Variants in RAPGEF4 observed in about 807,000 individuals in gnomAD.
RAPGEF4 encodes the protein RAP guanine-nucleotide-exchange factor (GEF) 4.
Under a neutral mutation model 147.9 loss-of-function variants are expected in RAPGEF4, and 66 were observed. The ratio of observed to expected loss-of-function variants is 0.45; its 90% confidence interval spans 0.37 to 0.55. RAPGEF4 has a LOEUF of 0.55. Ranked by LOEUF, RAPGEF4 falls within the 20% of genes least tolerant of loss-of-function variation. The pLI, the probability that RAPGEF4 is intolerant of heterozygous loss-of-function variation, is 0.00. For synonymous variants in RAPGEF4, 419 were observed against 442.7 expected, an observed-to-expected ratio of 0.95 and a Z score of 0.67; for missense variants, 1,071 against 1,257.3, an observed-to-expected ratio of 0.85 and a Z score of 2.24.
chr2:172,887,874 T>G (rs1251617114), intron 4 of RAPGEF4, among the ~76,000 whole-genome samples: 1 of 152,196 alleles, frequency 6.6e-6, no homozygotes, highest in Non-Finnish European at 1.5e-5. Context: ...TTCATCTTCT[T>G]TGTGAGACTT....
chr2:173,038,903 A>T (rs1684390201), intron 29 of RAPGEF4, among the ~76,000 whole-genome samples: 1 of 152,326 alleles, frequency 6.6e-6, no homozygotes, highest in South Asian at 2.1e-4. Context: ...CCCATCCGTA[A>T]CCTGCAAGGA....
intron 4 of RAPGEF4, among the ~76,000 whole-genome samples, chr2:172,843,174 G>C (rs915616910): frequency 6.6e-6 from 1 of 152,130 alleles, no homozygotes; most frequent in African/African-American, 2.4e-5. Flanking sequence ...CTTGCATGGA[G>C]TACAAATAGA....
At chr2:172,739,593 A>G (rs1353634382) in intron 1 of RAPGEF4, among the ~76,000 whole-genome samples, 1 of 151,966 alleles carries the variant, frequency 6.6e-6, no homozygotes. Flanking sequence ...CTGGTCTTGG[A>G]CTCCTGACCT....
chr2:172,912,967 C>T (rs1481563235), intron 4 of RAPGEF4, among the ~76,000 whole-genome samples: 1 of 146,432 alleles, frequency 6.8e-6, no homozygotes, highest in Admixed American at 7.0e-5. Flanking sequence ...ACAATCTCGG[C>T]TCACTGCAAC....
intron 1 of RAPGEF4, among the ~76,000 whole-genome samples, chr2:172,753,687 A>T (rs1413711557): frequency 6.6e-6 from 1 of 152,162 alleles, no homozygotes; most frequent in Non-Finnish European, 1.5e-5. Context: ...AAGTGAAATT[A>T]TAGGGGAAAA....
chr2:173,037,796 G>T (rs888719739), intron 29 of RAPGEF4, among the ~76,000 whole-genome samples: 1 of 152,172 alleles, frequency 6.6e-6, no homozygotes, highest in African/African-American at 2.4e-5. Context: ...ACTTCTCTGT[G>T]AGTCGGTTTC....
At position 172,899,894 on chromosome 2, in the gene RAPGEF4, A is replaced by G. The variant is rs1337246725; in HGVS notation, c.445-17908A>G. On this transcript the variant is annotated intron_variant, in intron 4 of 30. Coordinates refer to ENST00000397081, the MANE Select transcript of RAPGEF4 (RefSeq NM_007023.4). The stretch of plus-strand genomic sequence containing the variant: ...GCTCCATCCCAGCAAGGGAACAGAC[A>G]TGCTTATCAAGGAAAAAGGCCAAGC... Among the ~76,000 whole-genome samples, 8 of 152,204 alleles carry G rather than the reference A, an allele frequency of 5.3e-5. No individual in the cohort carries two copies. In the South Asian group the frequency reaches 1.4e-3, roughly 28 times the overall value.
At chr2:172,790,832 C>G (rs1685741478) in intron 1 of RAPGEF4, among the ~76,000 whole-genome samples, 1 of 152,176 alleles carries the variant, frequency 6.6e-6, no homozygotes, top group Non-Finnish European at 1.5e-5. Context: ...GAGAGACATT[C>G]ACAGGTAAAA....
At chr2:173,018,369 C>G (rs1695697998) in intron 21 of RAPGEF4, among the ~76,000 whole-genome samples, 1 of 152,168 alleles carries the variant, frequency 6.6e-6, no homozygotes, top group African/African-American at 2.4e-5. Flanking sequence ...GAACATCAGC[C>G]TGAAGATACT....
chr2:172,875,267 CA>C (rs1357434869), intron 4 of RAPGEF4, among the ~76,000 whole-genome samples: 5 of 152,152 alleles, frequency 3.3e-5, no homozygotes, highest in Non-Finnish European at 7.3e-5. Context: ...TCCCATTTGT[CA>C]ATTTTGGCTT....
chr2:172,921,846 T>C (rs1684796872), intron 5 of RAPGEF4, among the ~76,000 whole-genome samples: 1 of 152,260 alleles, frequency 6.6e-6, no homozygotes, highest in South Asian at 2.1e-4. Flanking sequence ...CATGTGCTAC[T>C]TGCCCCAGCT....
At chr2:172,754,951 G>A (rs1016251324) in intron 1 of RAPGEF4, among the ~76,000 whole-genome samples, 13 of 152,126 alleles carry the variant, frequency 8.5e-5, no homozygotes, top group Non-Finnish European at 1.8e-4. Flanking sequence ...GCTGAGGCAG[G>A]AGAATGGCAT....
chr2:172,841,967 T>G (rs1375432968), intron 4 of RAPGEF4, among the ~76,000 whole-genome samples: 1 of 152,238 alleles, frequency 6.6e-6, no homozygotes. Context: ...CATTCTCCTA[T>G]TATATTTTCT....
chr2:172,858,023 TAATG>T (rs1693639886), intron 4 of RAPGEF4, among the ~76,000 whole-genome samples: 1 of 151,808 alleles, frequency 6.6e-6, no homozygotes, highest in South Asian at 2.1e-4. Context: ...CACAGTAATG[TAATG>T]AACATATATG....
chr2:172,810,800 G>C (rs949340250), intron 3 of RAPGEF4, among the ~76,000 whole-genome samples: 1 of 152,146 alleles, frequency 6.6e-6, no homozygotes, highest in Non-Finnish European at 1.5e-5. Flanking sequence ...GTCTCTTTGG[G>C]AATGCTGGTT....
chr2:172,815,591 G>A lies in RAPGEF4; in HGVS notation c.444+1166G>A, dbSNP rs931191205. On this transcript the variant is annotated intron_variant, in intron 4 of 30. Transcript: ENST00000397081. Reference sequence around the variant, plus strand: ...GTCAATTAAAAGGGACCAAGCTTGAGGCAAATAAGCCACTTTTTGGATCTT... The same window carrying A: ...GTCAATTAAAAGGGACCAAGCTTGAAGCAAATAAGCCACTTTTTGGATCTT... 2.6e-4 allele frequency among the ~76,000 whole-genome samples: 40 copies of A among 152,254 alleles called. No individual in the cohort carries two copies. The South Asian group carries it at 3.1e-3, about 12-fold the overall frequency.
At chr2:172,909,254 T>C (rs1028636585) in intron 4 of RAPGEF4, among the ~76,000 whole-genome samples, 2 of 152,196 alleles carry the variant, frequency 1.3e-5, no homozygotes, top group African/African-American at 4.8e-5. Context: ...GCTTGAGGCA[T>C]GCATCCTCAA....
intron 4 of RAPGEF4, among the ~76,000 whole-genome samples, chr2:172,888,709 A>G (rs747856973): frequency 2.6e-5 from 4 of 152,232 alleles, no homozygotes; most frequent in African/African-American, 4.8e-5. Flanking sequence ...GGCCTTTGCA[A>G]TATCAGCTTG....
At chr2:173,019,305 A>G (rs951914403) in intron 22 of RAPGEF4, among the ~76,000 whole-genome samples, 3 of 152,216 alleles carry the variant, frequency 2.0e-5, no homozygotes. Context: ...AGTTCCTTTC[A>G]CTGTCCTTGA....
Sources: allele counts gnomAD v4.1 joint callset (sites outside exome capture counted in the v4.1 genomes callset), GRCh38; gene constraint gnomAD v4.1.1; transcripts MANE v1.5; gene names NCBI Gene and HGNC (gene_info 2026-07-23, HGNC 2026-07-21).